VNN1: variants seen among roughly 807,000 people sequenced by gnomAD.
VNN1 encodes the protein vanin 1, also known as pantetheinase.
In VNN1, 29 loss-of-function variants were observed where a neutral mutation model predicts 41.9. The ratio of observed to expected loss-of-function variants is 0.69; its 90% CI spans 0.52 to 0.94. VNN1 has a LOEUF of 0.94. VNN1 is among the 40% of genes least tolerant of loss of function. VNN1 has a pLI of 0.00. For synonymous variants in VNN1, 233 were observed against 224.4 expected, an observed-to-expected ratio of 1.04 and a Z score of -0.34; for missense variants, 637 against 621.1, an observed-to-expected ratio of 1.03 and a Z score of -0.27.
chr6:132,713,746 C>A, intron 1 of VNN1, 80 bp downstream of exon 1: 1 of 1,465,450 alleles, frequency 6.8e-7, no homozygotes, highest in African/African-American at 1.4e-5. Flanking sequence ...GTGTAACTGA[C>A]CCTGACAGTG....
Position 132,692,224 on chromosome 6 carries a change from T to G in VNN1, c.1187A>C (p.Gln396Pro), listed in dbSNP as rs769592607. The change falls in exon 5 of 7, where the codon CAG becomes CCG. Residue 396 changes from glutamine to proline, a missense_variant and splice_region_variant. Coordinates refer to ENST00000367928, the MANE Select transcript of VNN1 (RefSeq NM_004666.3). ...LHTVEGRYYL[Q>P]ICTLLKCKTT... The stretch of plus-strand genomic sequence containing the variant: ...ACTCTTCTGACATCAAAATATTACC[T>G]GTAGATAATAGCGCCCTTCCACAGT... The G allele has an allele frequency of 1.9e-6, 3 of 1,554,864 alleles. No individual in the cohort carries two copies. Among genetic ancestry groups the G allele is most frequent in the East Asian group, 4.5e-5 (2 of 44,310 alleles).
intron 2 of VNN1, among the ~76,000 whole-genome samples, chr6:132,703,731 A>G (rs1046335693): frequency 6.6e-6 from 1 of 152,180 alleles, no homozygotes; most frequent in African/African-American, 2.4e-5. Context: ...TAAATGGTCT[A>G]AACTCTCCAA....
In VNN1 at chr6:132,693,233, A is replaced by G. The variant is rs772260175; in HGVS notation, c.617T>C (p.Phe206Ser). The change falls in exon 4 of 7, where the codon TTT (phenylalanine) becomes TCT (serine). Residue 206 changes from phenylalanine to serine, a missense_variant. Coordinates refer to ENST00000367928, the MANE Select transcript of VNN1 (RefSeq NM_004666.3). ...TATATCAAAGCATGTGAAAATGCCA[A>G]AACTTCCAAAGGTGGTATTGAAAGT... The part of the protein sequence containing the change: ...IVTFNTTFGS[F>S]GIFTCFDILF... 5 of 1,614,032 alleles carry G rather than the reference A, an allele frequency of 3.1e-6. No individual in the cohort carries two copies. The Admixed American group carries it at 5.0e-5, about 16-fold the overall frequency.
In VNN1 at chr6:132,683,289, G is replaced by T. The variant is rs774975177; in HGVS notation, c.1393C>A (p.Pro465Thr). 35 of 1,613,608 alleles carry T rather than the reference G, an allele frequency of 2.2e-5. No individual in the cohort carries two copies. The Admixed American group carries it at 2.2e-4, about 10-fold the overall frequency. Residue 465 changes from proline (P) to threonine (T), a missense_variant, in exon 7 of 7, where the codon CCA (proline) becomes ACA (threonine). Pro to Thr is a conservative substitution (Grantham distance 38). Coordinates refer to ENST00000367928, the MANE Select transcript of VNN1 (RefSeq NM_004666.3). ...ACTGTTAAGACAGGTCCGGATGTTG[G>T]CTTCAGACTAAACAAGCGTCCGTCA... ...STDGRLFSLK[P>T]TSGPVLTVTL... is the part of the protein sequence containing the mutation.
At chr6:132,697,042 T>G (rs1778384782) in intron 2 of VNN1, among the ~76,000 whole-genome samples, 1 of 151,828 alleles carries the variant, frequency 6.6e-6, no homozygotes, top group South Asian at 2.1e-4. Flanking sequence ...GAGGTGGAGC[T>G]TGCAGTGAGC....
chr6:132,701,333 G>A (rs959943613), intron 2 of VNN1, among the ~76,000 whole-genome samples: 2 of 152,088 alleles, frequency 1.3e-5, no homozygotes, highest in Non-Finnish European at 2.9e-5. Flanking sequence ...GCACCCTCAA[G>A]GCAAGTAATA....
intron 5 of VNN1, among the ~76,000 whole-genome samples, chr6:132,691,990 T>C (rs1406439592): frequency 1.4e-5 from 2 of 146,988 alleles, no homozygotes; most frequent in African/African-American, 5.0e-5. Flanking sequence ...GGCTACAGAG[T>C]GAGACTCTGT....
In VNN1 at chr6:132,698,271, A is replaced by G. The variant is rs1778400155; in HGVS notation, c.342-4089T>C. 1.3e-5 allele frequency among the ~76,000 whole-genome samples: 2 copies of G among 152,250 alleles called. 1 individual carries two copies. Among genetic ancestry groups the G allele is most frequent in the Admixed American group, 1.3e-4 (2 of 15,292 alleles). ...TCTAAGGCTGCTTTCAAAGTGTTCAATCTTTAGGTATAACAAAAATCATCA... is the reference window on the plus strand; with the variant it reads ...TCTAAGGCTGCTTTCAAAGTGTTCAGTCTTTAGGTATAACAAAAATCATCA... On this transcript the variant is annotated intron_variant, in intron 2 of 6. Coordinates refer to ENST00000367928, the MANE Select transcript of VNN1 (RefSeq NM_004666.3).
chr6:132,702,047 G>T (rs1265282520), intron 2 of VNN1, among the ~76,000 whole-genome samples: 1 of 152,170 alleles, frequency 6.6e-6, no homozygotes, highest in Non-Finnish European at 1.5e-5. Context: ...AAGTTCTCTG[G>T]GGTTCTAAAT....
chr6:132,683,550 C>T (rs892656303), intron 6 of VNN1, among the ~76,000 whole-genome samples: 2 of 152,156 alleles, frequency 1.3e-5, no homozygotes, highest in Non-Finnish European at 2.9e-5. Flanking sequence ...AATTTACTTA[C>T]CTGTGGAAGC....
At chr6:132,700,299 T>C (rs1778432592) in intron 2 of VNN1, among the ~76,000 whole-genome samples, 1 of 125,962 alleles carries the variant, frequency 7.9e-6, no homozygotes, top group African/African-American at 3.5e-5. Flanking sequence ...ACTTGTCATC[T>C]AAATTTTATT....
At chr6:132,700,889 C>G (rs1222439301) in intron 2 of VNN1, among the ~76,000 whole-genome samples, 2 of 152,124 alleles carry the variant, frequency 1.3e-5, no homozygotes, top group Admixed American at 6.5e-5. Flanking sequence ...TTCTCTGAAG[C>G]CTTTCTCCAT....
At chr6:132,692,126 T>C (rs913664663) in intron 5 of VNN1, 97 bp downstream of exon 5, 7 of 1,336,290 alleles carry the variant, frequency 5.2e-6, no homozygotes, top group African/African-American at 4.5e-5. Flanking sequence ...AAGTGTGATA[T>C]GCTTATACTA....
At chr6:132,693,864 C>T in intron 3 of VNN1, 126 bp downstream of exon 3, 1 of 1,116,686 alleles carries the variant, frequency 9.0e-7, no homozygotes, top group Non-Finnish European at 1.3e-6. Context: ...TTTATCATTA[C>T]TTTCTATGCT....
chr6:132,682,963 C>G lies in VNN1; in HGVS notation c.*177G>C. On this transcript the variant is annotated 3_prime_UTR_variant, in exon 7 of 7. Transcript: ENST00000367928. ...TCAAATATAGTTTTTTAAATAAAAT[C>G]TACATTAACAGATAATTTATTAAGT... 4.4e-6 allele frequency: 2 copies of G among 449,726 alleles called. No individual in the cohort carries two copies. The highest frequency in any genetic ancestry group is 8.0e-5 in the South Asian group (1 of 12,436). The allele number at this position is 449,726 out of a possible 1,614,324, so 27.9% of individuals were successfully genotyped here. A position where few individuals can be genotyped will look rare whatever the true frequency, so the allele number is the denominator to read the frequency against.
Position 132,711,738 on chromosome 6 carries a change from T to C in VNN1, c.312A>G (p.Val104=). ...TACGATTATTACAGGGGATCCAGTT[T>C]ACTTCAGGGTCTGGGATGTCCTCCA... is the stretch of plus-strand genomic sequence containing the variant. ...PYLEDIPDPE[V]NWIPCNNRNR... Residue 104 remains valine (V), a synonymous_variant, in exon 2 of 7, where the codon GTA becomes GTG. Coordinates refer to ENST00000367928, the MANE Select transcript of VNN1 (RefSeq NM_004666.3). 6.2e-7 allele frequency: 1 copy of C among 1,613,622 alleles called. No individual in the cohort carries two copies. Among genetic ancestry groups the C allele is most frequent in the Non-Finnish European group, 8.5e-7 (1 of 1,179,766 alleles).
chr6:132,683,344 G>A, intron 6 of VNN1, 22 bp from the exon 7 acceptor site: 1 of 1,597,864 alleles, frequency 6.3e-7, no homozygotes, highest in African/African-American at 1.4e-5. Context: ...AAAAAAGTAG[G>A]CAAAGGCTAC....
intron 6 of VNN1, among the ~76,000 whole-genome samples, chr6:132,684,020 G>A (rs45443391): frequency 0.028 from 4,215 of 152,122 alleles, 192 homozygotes; most frequent in African/African-American, 0.097. Flanking sequence ...CTCCCCAGTG[G>A]TCCTAAGGGG....
chr6:132,711,789 G>C lies in VNN1; in HGVS notation c.261C>G (p.Phe87Leu). 2 of 1,613,972 alleles carry C rather than the reference G, an allele frequency of 1.2e-6. No homozygotes were observed. Among genetic ancestry groups the C allele is most frequent in the Non-Finnish European group, 8.5e-7 (1 of 1,179,946 alleles). Residue 87 changes from phenylalanine to leucine, a missense_variant, in exon 2 of 7, where the codon TTC becomes TTG. Coordinates refer to ENST00000367928, the MANE Select transcript of VNN1 (RefSeq NM_004666.3). ...AATATGGGTAGAGAGAGTCCCTGTT[G>C]AAGTTCCAGCCATAAATAGCATCTT... The part of the protein sequence containing the change: ...TPEDAIYGWN[F>L]NRDSLYPYLE...
Sources: allele counts gnomAD v4.1 joint callset (sites outside exome capture counted in the v4.1 genomes callset), GRCh38; gene constraint gnomAD v4.1.1; transcripts MANE v1.5; gene names NCBI Gene and HGNC (gene_info 2026-07-23, HGNC 2026-07-21).